The following MACROD2 variants were observed in gnomAD, a reference collection of about 807,000 sequenced individuals.
The protein encoded by MACROD2 is mono-ADP ribosylhydrolase 2, also known as ADP-ribose glycohydrolase MACROD2.
Under a neutral mutation model 70.4 loss-of-function variants are expected in MACROD2, and 36 were observed. The ratio of observed to expected loss-of-function variants is 0.51; its 90% CI spans 0.39 to 0.68. The LOEUF (loss-of-function observed/expected upper bound fraction) is 0.68, where lower values mean the gene tolerates loss of function less well. MACROD2 is among the 30% of genes least tolerant of loss of function. MACROD2 has a pLI of 0.00. For synonymous variants in MACROD2, 172 were observed against 178.8 expected (o/e 0.96, Z 0.30); for missense variants, 496 against 538.4 (o/e 0.92, Z 0.78).
intron 1 of MACROD2, among the ~76,000 whole-genome samples, chr20:13,998,701 A>G (rs1601093881): frequency 6.6e-6 from 1 of 152,166 alleles, no homozygotes; most frequent in East Asian, 1.9e-4. Context: ...CACACCTGTA[A>G]TCCCAGCACT....
chr20:15,740,627 A>T (rs574513101), intron 8 of MACROD2, among the ~76,000 whole-genome samples: 1 of 152,018 alleles, frequency 6.6e-6, no homozygotes, highest in Non-Finnish European at 1.5e-5. Context: ...TCTATTTGCC[A>T]TTTGGGGTTC....
chr20:14,753,439 T>C (rs1048130305), intron 5 of MACROD2, among the ~76,000 whole-genome samples: 1 of 152,086 alleles, frequency 6.6e-6, no homozygotes, highest in African/African-American at 2.4e-5. Flanking sequence ...TGTATTAATA[T>C]GTGTGCATGC....
intron 6 of MACROD2, among the ~76,000 whole-genome samples, chr20:15,250,850 C>T (rs1356479026): frequency 1.3e-5 from 2 of 152,188 alleles, no homozygotes; most frequent in Non-Finnish European, 2.9e-5. Flanking sequence ...AAGGTCTGCC[C>T]TGCTAATTAT....
intron 5 of MACROD2, among the ~76,000 whole-genome samples, chr20:15,140,271 G>C (rs563280206): frequency 1.3e-5 from 2 of 152,194 alleles, no homozygotes; most frequent in South Asian, 4.1e-4. Flanking sequence ...CCCTGAGTTC[G>C]TTATGATGGA....
intron 8 of MACROD2, among the ~76,000 whole-genome samples, chr20:15,692,625 G>C (rs1568977612): frequency 2.0e-5 from 3 of 152,156 alleles, no homozygotes; most frequent in Non-Finnish European, 4.4e-5. Flanking sequence ...GTGAGGGCAG[G>C]GGTAGGGTGG....
chr20:15,177,508 C>G (rs562938170), intron 5 of MACROD2, among the ~76,000 whole-genome samples: 111 of 152,172 alleles, frequency 7.3e-4, no homozygotes, highest in Admixed American at 4.8e-3. Context: ...CAGAAAACTC[C>G]TCTTTGACTC....
intron 3 of MACROD2, among the ~76,000 whole-genome samples, chr20:14,424,528 CA>C (rs748871696): frequency 6.6e-6 from 1 of 152,124 alleles, no homozygotes; most frequent in Admixed American, 6.5e-5. Context: ...TTTGAAGAGT[CA>C]GACATGAAGG....
intron 5 of MACROD2, among the ~76,000 whole-genome samples, chr20:14,916,314 A>T (rs750688436): frequency 2.0e-5 from 3 of 152,166 alleles, no homozygotes; most frequent in Non-Finnish European, 4.4e-5. Flanking sequence ...AAAGGGCTTT[A>T]TACCCCTAAA....
intron 5 of MACROD2, among the ~76,000 whole-genome samples, chr20:15,217,193 G>A (rs571780860): frequency 1.3e-5 from 2 of 152,114 alleles, no homozygotes; most frequent in Non-Finnish European, 2.9e-5. Context: ...AACTTTGAGA[G>A]TATAATGATG....
chr20:15,310,105 G>A (rs2077736414), intron 6 of MACROD2, among the ~76,000 whole-genome samples: 1 of 152,182 alleles, frequency 6.6e-6, no homozygotes, highest in Non-Finnish European at 1.5e-5. Context: ...TATCTCATCT[G>A]TAAAATGAAG....
chr20:14,053,080 T>C (rs1182434472), intron 2 of MACROD2: 2 of 116,914 alleles, frequency 1.7e-5, no homozygotes, highest in African/African-American at 5.5e-5. Flanking sequence ...CTCCTCTTCT[T>C]TTTTTTTTTT....
At chr20:15,575,386 A>G (rs1176200207) in intron 8 of MACROD2, among the ~76,000 whole-genome samples, 3 of 152,128 alleles carry the variant, frequency 2.0e-5, no homozygotes, top group South Asian at 2.1e-4. Context: ...AATGAATACC[A>G]TGAATGAATG....
intron 5 of MACROD2, chr20:14,905,182 G>A (rs2073944388): frequency 6.6e-6 from 1 of 152,068 alleles, no homozygotes; most frequent in Non-Finnish European, 1.5e-5. Flanking sequence ...ATATTTCTTG[G>A]AAGGGAGAGA....
chr20:15,173,741 A>G (rs1208408211), intron 5 of MACROD2, among the ~76,000 whole-genome samples: 1 of 152,136 alleles, frequency 6.6e-6, no homozygotes, highest in African/African-American at 2.4e-5. Context: ...TGCAGAACCA[A>G]TTTTTAGCAT....
chr20:14,240,388 T>C (rs184460046), intron 3 of MACROD2, among the ~76,000 whole-genome samples: 1 of 152,284 alleles, frequency 6.6e-6, no homozygotes, highest in Non-Finnish European at 1.5e-5. Context: ...AAAATGCACT[T>C]GTATGTTTAT....
At chr20:14,165,116 G>A (rs2055248905) in intron 3 of MACROD2, among the ~76,000 whole-genome samples, 1 of 152,106 alleles carries the variant, frequency 6.6e-6, no homozygotes, top group South Asian at 2.1e-4. Context: ...GTCTGATGGG[G>A]GCTGAGTTCT....
chr20:14,686,156 A>T (rs1158037090), intron 5 of MACROD2, among the ~76,000 whole-genome samples: 5 of 152,150 alleles, frequency 3.3e-5, no homozygotes, highest in Non-Finnish European at 5.9e-5. Flanking sequence ...CGGTGGTCCT[A>T]TAAGATTATA....
chr20:14,376,298 G>A (rs1334933747), intron 3 of MACROD2, among the ~76,000 whole-genome samples: 1 of 151,874 alleles, frequency 6.6e-6, no homozygotes, highest in Admixed American at 6.6e-5. Context: ...TTTTGCTAGT[G>A]TCGTGACCAG....
chr20:14,370,023 G>A (rs974668979), intron 3 of MACROD2, among the ~76,000 whole-genome samples: 7 of 152,032 alleles, frequency 4.6e-5, no homozygotes, highest in African/African-American at 9.7e-5. Context: ...AAATTGTTTC[G>A]TTGAATATTC....
Sources: gnomAD v4.1 joint callset for allele counts (sites outside exome capture counted in the v4.1 genomes callset) on GRCh38, gnomAD v4.1.1 for gene constraint, MANE v1.5 for transcripts, NCBI Gene and HGNC (gene_info 2026-07-23, HGNC 2026-07-21) for gene names.